The following PKHD1 variants were observed in gnomAD, a reference collection of about 807,000 sequenced individuals.
PKHD1 encodes the protein PKHD1 ciliary IPT domain containing fibrocystin/polyductin.
PKHD1 carries 291 observed loss-of-function variants against 412.0 expected under a neutral mutation model. That is an observed-to-expected ratio of 0.71 (90% confidence interval 0.64 to 0.78). The LOEUF is 0.78. Ranked by LOEUF, PKHD1 falls within the 30% of genes least tolerant of loss-of-function variation. PKHD1 has a pLI of 0.00. For missense variants in PKHD1, 4,825 were observed against 4,950.7 expected, an observed-to-expected ratio of 0.97 and a Z score of 0.76; for synonymous variants, 1,777 against 1,821.5, an observed-to-expected ratio of 0.98 and a Z score of 0.62.
Position 51,632,612 on chromosome 6 carries a change from G to A in PKHD1, c.11618C>T (p.Ala3873Val). ...ASLSSVASWL[A>V]LSCLVCCWLK... Reference sequence around the variant, plus strand: ...CCAACAGCACACCAGACAGCTCAGAGCCAGCCATGAGGCCACAGAGGACAG... The same window carrying A: ...CCAACAGCACACCAGACAGCTCAGAACCAGCCATGAGGCCACAGAGGACAG... Residue 3873 changes from alanine to valine, a missense_variant, in exon 65 of 67, where the codon GCT (alanine) becomes GTT (valine). Coordinates refer to ENST00000371117, the MANE Select transcript of PKHD1 (RefSeq NM_138694.4). 1 of 1,613,278 alleles carries A rather than the reference G, an allele frequency of 6.2e-7. No homozygotes were observed. The highest frequency in any genetic ancestry group is 8.5e-7 in the Non-Finnish European group (1 of 1,179,610).
At chr6:51,903,461 TG>T (rs1781578072) in intron 43 of PKHD1, 135 bp downstream of exon 43, 2 of 744,252 alleles carry the variant, frequency 2.7e-6, no homozygotes, top group Admixed American at 1.8e-5. Context: ...GTGCATTTTA[TG>T]TGTGACCCAA....
Position 52,035,610 on chromosome 6 carries a change from T to C in PKHD1, c.3209A>G (p.Gln1070Arg). ...ACTTACCCTGGGTGGAACTTTGCAC[T>C]GAATTCTGCTTGAATTGCTTGTAGC... Reference protein sequence around the residue: ...NVATSNSSRIQCKVPPRGKDG... With the variant: ...NVATSNSSRIRCKVPPRGKDG... The change falls in exon 28 of 67, where the codon CAG becomes CGG. Residue 1070 changes from glutamine (Q) to arginine (R), a missense_variant. Gln to Arg is a conservative substitution (Grantham distance 43, BLOSUM62 1). Coordinates refer to ENST00000371117, the MANE Select transcript of PKHD1 (RefSeq NM_138694.4). The C allele has an allele frequency of 6.2e-7, 1 of 1,614,034 alleles. No homozygotes were observed. The highest frequency in any genetic ancestry group is 8.5e-7 in the Non-Finnish European group (1 of 1,179,910).
intron 11 of PKHD1, among the ~76,000 whole-genome samples, chr6:52,069,222 G>T (rs542784795): frequency 5.0e-4 from 76 of 152,186 alleles, no homozygotes; most frequent in African/African-American, 1.7e-3. Context: ...CTTTTATTCA[G>T]TTTATATCCA....
At chr6:51,918,239 C>T (rs1406823391) in intron 37 of PKHD1, among the ~76,000 whole-genome samples, 1 of 151,690 alleles carries the variant, frequency 6.6e-6, no homozygotes, top group Non-Finnish European at 1.5e-5. Context: ...GGGATACATG[C>T]GCAGAACGTG....
At chr6:51,860,745 T>C (rs1276026645) in intron 48 of PKHD1, among the ~76,000 whole-genome samples, 3 of 152,194 alleles carry the variant, frequency 2.0e-5, no homozygotes, top group East Asian at 3.8e-4. Flanking sequence ...GCTATAAGCC[T>C]TACATGTTGT....
rs1554211308 is a variant in PKHD1 at position 52,048,546 on chromosome 6, TTGTCCGC to T, written c.2346_2352del (p.Arg783ValfsTer4). 6.2e-7 allele frequency: 1 copy of T among 1,614,032 alleles called. No individual in the cohort carries two copies. Among genetic ancestry groups the T allele is most frequent in the Non-Finnish European group, 8.5e-7 (1 of 1,179,864 alleles). On this transcript the variant is annotated frameshift_variant, in exon 23 of 67. Transcript: ENST00000371117. LOFTEE classifies it high-confidence loss of function. ...CGAAAGTGTCCTCCTAGAGGTGGAC[TTGTCCGC>T]TGTCGTCTCTGTGTCGTCACCAGGA...
chr6:51,723,124 A>G (rs1023795315), intron 60 of PKHD1, among the ~76,000 whole-genome samples: 2 of 152,224 alleles, frequency 1.3e-5, no homozygotes, highest in Non-Finnish European at 2.9e-5. Context: ...TCTGCTCAGA[A>G]TCACATCTCA....
intron 52 of PKHD1, among the ~76,000 whole-genome samples, chr6:51,829,538 T>C (rs1042886686): frequency 2.0e-5 from 3 of 152,048 alleles, no homozygotes; most frequent in Admixed American, 2.0e-4. Flanking sequence ...CCTTTTCATA[T>C]AGGAATGACT....
At chr6:51,815,513 G>A (rs1476097733) in intron 52 of PKHD1, among the ~76,000 whole-genome samples, 3 of 152,098 alleles carry the variant, frequency 2.0e-5, no homozygotes, top group Non-Finnish European at 4.4e-5. Context: ...AAAGTTACAG[G>A]TAGTAAGAAG....
At chr6:51,752,434 A>G (rs1786256184) in intron 57 of PKHD1, among the ~76,000 whole-genome samples, 1 of 152,230 alleles carries the variant, frequency 6.6e-6, no homozygotes, top group Non-Finnish European at 1.5e-5. Context: ...AGCTTGCTCT[A>G]TTAACTAGAA....
intron 52 of PKHD1, among the ~76,000 whole-genome samples, chr6:51,828,920 C>T (rs1767779779): frequency 6.6e-6 from 1 of 152,078 alleles, no homozygotes; most frequent in African/African-American, 2.4e-5. Flanking sequence ...TCATCAATCA[C>T]AGATCATTTT....
chr6:52,050,245 A>AT lies in PKHD1; in HGVS notation c.2190dup (p.Ser731IlefsTer35). 1 of 1,614,212 alleles carries AT rather than the reference A, an allele frequency of 6.2e-7. No individual in the cohort carries two copies. The highest frequency in any genetic ancestry group is 1.1e-5 in the South Asian group (1 of 91,086). ...GGAGGGGATCCCACCACAGAGACTG[A>AT]TTCCACCAGATTGCCCCCTGGGCGA... On this transcript the variant is annotated frameshift_variant, in exon 22 of 67. Transcript: ENST00000371117. LOFTEE classifies it high-confidence loss of function.
At chr6:52,032,905 A>C (rs1204745152) in intron 29 of PKHD1, 125 bp downstream of exon 29, 3 of 841,994 alleles carry the variant, frequency 3.6e-6, no homozygotes, top group Non-Finnish European at 2.0e-6. Context: ...TGAAAAAAGC[A>C]ATCTCCTAGC....
intron 60 of PKHD1, among the ~76,000 whole-genome samples, chr6:51,683,395 A>C (rs1582062402): frequency 6.6e-6 from 1 of 152,238 alleles, no homozygotes; most frequent in African/African-American, 2.4e-5. Context: ...GAGGCAAAGT[A>C]GTGGCTGGAA....
intron 53 of PKHD1, among the ~76,000 whole-genome samples, chr6:51,781,145 T>G (rs946056166): frequency 6.6e-6 from 1 of 152,152 alleles, no homozygotes; most frequent in Non-Finnish European, 1.5e-5. Context: ...TACTATCATA[T>G]AAACCCAAGC....
intron 60 of PKHD1, among the ~76,000 whole-genome samples, chr6:51,672,078 G>A (rs905950257): frequency 1.3e-5 from 2 of 152,130 alleles, no homozygotes; most frequent in Admixed American, 1.3e-4. Context: ...TTATTGGACT[G>A]TTACCCCAAT....
chr6:51,932,492 A>T (rs927506131), intron 37 of PKHD1, among the ~76,000 whole-genome samples: 3 of 152,176 alleles, frequency 2.0e-5, no homozygotes, highest in Non-Finnish European at 4.4e-5. Flanking sequence ...CTGAACCACA[A>T]ATATACACCA....
chr6:51,982,839 A>T lies in PKHD1; in HGVS notation c.5752-22813T>A, dbSNP rs1373509208. On this transcript the variant is annotated intron_variant, in intron 35 of 66. Transcript: ENST00000371117. ...AAAATAATAATAATAAATAAAAAAT[A>T]AAAAAATAAAAAAATAAAAATAAAA... is the stretch of plus-strand genomic sequence containing the variant. Among the ~76,000 whole-genome samples, 7 of 144,028 alleles carry T rather than the reference A, an allele frequency of 4.9e-5. No individual in the cohort carries two copies. In the East Asian group the frequency reaches 9.8e-4, roughly 20 times the overall value. 94.5% of individuals were successfully genotyped at this position (144,028 alleles called of 152,430 possible). A position where few individuals can be genotyped will look rare whatever the true frequency, so the allele number is the denominator to read the frequency against.
chr6:51,856,967 C>T (rs77202588), intron 48 of PKHD1, among the ~76,000 whole-genome samples: 162 of 152,166 alleles, frequency 1.1e-3, no homozygotes, highest in African/African-American at 3.6e-3. Flanking sequence ...ATATATAGAA[C>T]GTATAAAAAC....
Sources: gnomAD v4.1 joint callset for allele counts (sites outside exome capture counted in the v4.1 genomes callset) on GRCh38, gnomAD v4.1.1 for gene constraint, MANE v1.5 for transcripts, NCBI Gene and HGNC (gene_info 2026-07-23, HGNC 2026-07-21) for gene names.